Variants in HDAC9 observed in about 807,000 individuals in gnomAD.
HDAC9 encodes MEF-2 interacting transcription repressor (MITR) protein.
In HDAC9, 41 loss-of-function variants were observed where a neutral mutation model predicts 139.4. That is an observed-to-expected ratio of 0.29 (90% CI 0.23 to 0.38). HDAC9 has a LOEUF of 0.38. HDAC9 is among the 10% of genes least tolerant of loss of function. HDAC9 has a pLI of 1.00. For synonymous variants in HDAC9, 517 were observed against 476.2 expected, an observed-to-expected ratio of 1.09 and a Z score of -1.12; for missense variants, 1,147 against 1,297.0, an observed-to-expected ratio of 0.88 and a Z score of 1.78.
At chr7:18,925,451 G>A (rs1322470913) in intron 22 of HDAC9, among the ~76,000 whole-genome samples, 1 of 152,092 alleles carries the variant, frequency 6.6e-6, no homozygotes, top group African/African-American at 2.4e-5. Context: ...CCTTTGCTTG[G>A]CTCATAACTA....
chr7:18,426,391 T>TTTTC (rs1193425709), intron 1 of HDAC9, among the ~76,000 whole-genome samples: 2 of 152,204 alleles, frequency 1.3e-5, no homozygotes, highest in Non-Finnish European at 2.9e-5. Flanking sequence ...AACCTGAATA[T>TTTTC]TTTGCTAACA....
chr7:18,797,158 C>CT (rs1562948697), intron 17 of HDAC9, among the ~76,000 whole-genome samples: 1 of 152,150 alleles, frequency 6.6e-6, no homozygotes, highest in Non-Finnish European at 1.5e-5. Context: ...GGCTCAAAGA[C>CT]ATTAAGTAAC....
chr7:18,710,685 G>A (rs1784282005), intron 12 of HDAC9, among the ~76,000 whole-genome samples: 1 of 152,148 alleles, frequency 6.6e-6, no homozygotes, highest in Non-Finnish European at 1.5e-5. Context: ...TTCATACCTA[G>A]GAGTTGAAAG....
Position 18,372,504 on chromosome 7 carries a change from A to G in HDAC9, c.-42+81989A>G, listed in dbSNP as rs551925293. Among the ~76,000 whole-genome samples the G allele has an allele frequency of 5.3e-5, 8 of 152,332 alleles. No individual in the cohort carries two copies. In the South Asian group the frequency reaches 1.0e-3, roughly 20 times the overall value. On this transcript the variant is annotated intron_variant, in intron 1 of 3. Coordinates refer to the HDAC9 transcript ENST00000413509. The stretch of plus-strand genomic sequence containing the variant: ...CCACGTCAGATGTTAAATGAAGACT[A>G]TGACCCTTTAAAGGCTTTGGCTTGC...
chr7:18,123,529 A>G (rs1013162033), intron 1 of HDAC9, among the ~76,000 whole-genome samples: 42 of 152,104 alleles, frequency 2.8e-4, no homozygotes, highest in African/African-American at 8.2e-4. Context: ...ATATATAATA[A>G]TATTTCTATT....
At chr7:18,248,604 A>T (rs1201631288) in intron 2 of HDAC9, among the ~76,000 whole-genome samples, 1 of 152,164 alleles carries the variant, frequency 6.6e-6, no homozygotes, top group Non-Finnish European at 1.5e-5. Context: ...TCATTTGATC[A>T]TTGTTTTACA....
At chr7:18,407,446 C>T (rs901630085) in intron 1 of HDAC9, among the ~76,000 whole-genome samples, 1 of 151,998 alleles carries the variant, frequency 6.6e-6, no homozygotes, top group Non-Finnish European at 1.5e-5. Context: ...TGGGGTGACA[C>T]GTTTAGGCAA....
chr7:18,915,080 T>C (rs1201669608), intron 22 of HDAC9, among the ~76,000 whole-genome samples: 1 of 152,042 alleles, frequency 6.6e-6, no homozygotes, highest in Non-Finnish European at 1.5e-5. Context: ...CAACAATAAA[T>C]CAATTTGTAC....
Position 18,386,607 on chromosome 7 carries a change from C to G in HDAC9, c.-42+96092C>G, listed in dbSNP as rs141456998. Among the ~76,000 whole-genome samples the G allele has an allele frequency of 6.8e-4, 104 of 152,282 alleles. 3 individuals are homozygous for G. In the East Asian group the frequency reaches 0.019, roughly 27 times the overall value. On this transcript the variant is annotated intron_variant, in intron 1 of 3. Coordinates refer to the HDAC9 transcript ENST00000413509. The stretch of plus-strand genomic sequence containing the variant: ...GAGGGGAATTAAACACTTACAAGAA[C>G]ATCGCATGTAACATTACACTCTATG...
At chr7:18,465,193 C>G (rs769336257) in intron 1 of HDAC9, among the ~76,000 whole-genome samples, 16 of 151,758 alleles carry the variant, frequency 1.1e-4, no homozygotes, top group Admixed American at 5.2e-4. Context: ...TCTTGAAGTT[C>G]TTTGCTTTAT....
At chr7:18,258,554 G>GGA (rs1293507260) in intron 2 of HDAC9, among the ~76,000 whole-genome samples, 37 of 152,120 alleles carry the variant, frequency 2.4e-4, no homozygotes, top group Middle Eastern at 3.2e-3. Context: ...GTTGAGGGAA[G>GGA]GAAACTGCAA....
chr7:18,623,939 AG>A (rs534047462), intron 6 of HDAC9, among the ~76,000 whole-genome samples: 4 of 152,060 alleles, frequency 2.6e-5, no homozygotes, highest in Admixed American at 6.6e-5. Context: ...ACTCCATTGC[AG>A]GGGGGGTAAA....
At chr7:18,772,418 T>C (rs1372625285) in intron 16 of HDAC9, among the ~76,000 whole-genome samples, 1 of 152,082 alleles carries the variant, frequency 6.6e-6, no homozygotes, top group Non-Finnish European at 1.5e-5. Context: ...TCTTTCTTCA[T>C]ATGTTATTTC....
At chr7:18,777,240 T>C (rs1420151364) in intron 16 of HDAC9, among the ~76,000 whole-genome samples, 1 of 152,056 alleles carries the variant, frequency 6.6e-6, no homozygotes, top group Admixed American at 6.6e-5. Context: ...CATACTTTTC[T>C]TTTTAAATTG....
At chr7:18,411,256 T>G (rs1010779604) in intron 1 of HDAC9, among the ~76,000 whole-genome samples, 1 of 152,218 alleles carries the variant, frequency 6.6e-6, no homozygotes, top group African/African-American at 2.4e-5. Flanking sequence ...GACGTAAGAT[T>G]TTTTTGACTT....
intron 22 of HDAC9, among the ~76,000 whole-genome samples, chr7:18,922,364 T>G (rs527866310): frequency 6.6e-6 from 1 of 152,242 alleles, no homozygotes; most frequent in African/African-American, 2.4e-5. Context: ...TAGTCTAATT[T>G]CTTTTTCCCA....
chr7:18,802,532 A>C (rs1269699163), intron 17 of HDAC9, among the ~76,000 whole-genome samples: 1 of 151,926 alleles, frequency 6.6e-6, no homozygotes, highest in East Asian at 1.9e-4. Context: ...CTTATTAATT[A>C]TTTTGTTAAA....
intron 2 of HDAC9, among the ~76,000 whole-genome samples, chr7:18,175,096 C>A (rs1788777763): frequency 6.6e-6 from 1 of 152,308 alleles, no homozygotes; most frequent in Non-Finnish European, 1.5e-5. Context: ...CCTTGCTGAG[C>A]TGTGGTGGGC....
intron 25 of HDAC9, among the ~76,000 whole-genome samples, chr7:18,994,297 T>G (rs1010963894): frequency 6.6e-6 from 1 of 152,256 alleles, no homozygotes; most frequent in Non-Finnish European, 1.5e-5. Flanking sequence ...AACTGTATTA[T>G]TCACATATTC....
Sources: gnomAD v4.1 joint callset for allele counts (sites outside exome capture counted in the v4.1 genomes callset) on GRCh38, gnomAD v4.1.1 for gene constraint, MANE v1.5 for transcripts, NCBI Gene and HGNC (gene_info 2026-07-23, HGNC 2026-07-21) for gene names.